DTNA: variants seen among roughly 807,000 people sequenced by gnomAD.
DTNA encodes the protein dystrobrevin alpha, also known as dystrophin-related protein 3.
DTNA carries 43 observed loss-of-function variants against 100.7 expected under a neutral mutation model. That is an observed-to-expected ratio of 0.43 (90% confidence interval 0.33 to 0.55). The LOEUF is 0.55. Among genes scored for constraint, DTNA ranks in the 20% least tolerant of loss-of-function variants. DTNA has a pLI of 0.04. For missense variants in DTNA, 798 were observed against 953.9 expected, an observed-to-expected ratio of 0.84 and a Z score of 2.15; for synonymous variants, 349 against 347.9, an observed-to-expected ratio of 1.00 and a Z score of -0.04.
chr18:34,520,325 G>T (rs1006956046), intron 1 of DTNA, among the ~76,000 whole-genome samples: 1 of 152,092 alleles, frequency 6.6e-6, no homozygotes, highest in Admixed American at 6.5e-5. Context: ...TGAGTCACTT[G>T]ACCCAAAGTG....
chr18:34,851,151 T>C (rs558758926), intron 14 of DTNA, among the ~76,000 whole-genome samples: 29 of 152,356 alleles, frequency 1.9e-4, no homozygotes, highest in African/African-American at 5.0e-4. Context: ...TCACCCAGGC[T>C]GGAATGCAGT....
At chr18:34,868,553 A>G in intron 17 of DTNA, 9 of 985,416 alleles carry the variant, frequency 9.1e-6, no homozygotes, top group Non-Finnish European at 9.6e-6. Flanking sequence ...TCTTTGTAAA[A>G]CCAAACTTAG....
At chr18:34,641,875 C>G (rs1017285500) in intron 1 of DTNA, among the ~76,000 whole-genome samples, 2 of 152,144 alleles carry the variant, frequency 1.3e-5, no homozygotes, top group African/African-American at 4.8e-5. Flanking sequence ...AATTAAGTTA[C>G]ATGCGTGCTG....
Position 34,597,259 on chromosome 18 carries a change from C to T in DTNA, c.-2+103745C>T, listed in dbSNP as rs1357561628. ...CTTGGCAATTTCTTTAACCTCTAAT[C>T]CATCCCACAAGCATCCTTCACTCTC... On this transcript the variant is annotated intron_variant, in intron 1 of 19. Coordinates refer to the DTNA transcript ENST00000283365. 2.0e-5 allele frequency among the ~76,000 whole-genome samples: 3 copies of T among 152,212 alleles called. No homozygotes were observed. In the East Asian group the frequency reaches 5.8e-4, roughly 29 times the overall value.
At chr18:34,801,552 A>C (rs9941402) in intron 4 of DTNA, among the ~76,000 whole-genome samples, 3,763 of 150,992 alleles carry the variant, frequency 0.025, 165 homozygotes, top group African/African-American at 0.086. Flanking sequence ...CGCTCTGTCA[A>C]CAGGCTGGAG....
rs1185555643 is a variant in DTNA, at chr18:34,891,842, G to T, written c.*4108G>T. ...GAATTACTGAATAAATGAATTAGTG[G>T]TGTTTGGTTTGTTTTTTTTTCTAGA... On this transcript the variant is annotated 3_prime_UTR_variant, in exon 23 of 23. Coordinates refer to ENST00000444659, the MANE Select transcript of DTNA (RefSeq NM_001386795.1). 6.6e-6 allele frequency: 1 copy of T among 151,690 alleles called. No homozygotes were observed. The highest frequency in any genetic ancestry group is 1.9e-4 in the East Asian group (1 of 5,184). 9.4% of individuals were successfully genotyped at this position (151,690 alleles called of 1,614,324 possible). A position where few individuals can be genotyped will look rare whatever the true frequency, so the allele number is the denominator to read the frequency against.
chr18:34,728,593 G>C (rs1410033657), intron 1 of DTNA, among the ~76,000 whole-genome samples: 1 of 152,084 alleles, frequency 6.6e-6, no homozygotes, highest in African/African-American at 2.4e-5. Context: ...GGAGGAATCA[G>C]CTTATGTAAA....
intron 1 of DTNA, among the ~76,000 whole-genome samples, chr18:34,587,153 T>C (rs1459574648): frequency 1.3e-5 from 2 of 151,950 alleles, no homozygotes; most frequent in South Asian, 2.1e-4. Context: ...GGCTAATTTT[T>C]TTTTTTTGTA....
At chr18:34,590,801 C>T (rs751326579) in intron 1 of DTNA, among the ~76,000 whole-genome samples, 22 of 152,092 alleles carry the variant, frequency 1.4e-4, no homozygotes, top group South Asian at 4.1e-4. Context: ...CATTTACTCA[C>T]GATAAAGACT....
At chr18:34,624,133 A>G (rs2056962368) in intron 1 of DTNA, among the ~76,000 whole-genome samples, 1 of 152,230 alleles carries the variant, frequency 6.6e-6, no homozygotes, top group Non-Finnish European at 1.5e-5. Context: ...TGTCATATTT[A>G]CATCAAAAAA....
chr18:34,782,036 A>G (rs545659498), intron 3 of DTNA, among the ~76,000 whole-genome samples: 6 of 152,348 alleles, frequency 3.9e-5, no homozygotes, highest in African/African-American at 1.4e-4. Context: ...GAAATAAGAA[A>G]GGTTCTGTGG....
intron 1 of DTNA, among the ~76,000 whole-genome samples, chr18:34,652,685 A>C (rs972404138): frequency 7.2e-5 from 11 of 152,208 alleles, no homozygotes; most frequent in African/African-American, 9.6e-5. Flanking sequence ...CAACTGACAT[A>C]ATCTCTTCTA....
chr18:34,759,099 A>G (rs1289612261), intron 2 of DTNA, among the ~76,000 whole-genome samples: 1 of 152,224 alleles, frequency 6.6e-6, no homozygotes, highest in East Asian at 1.9e-4. Context: ...CCCTTAACCA[A>G]AAATTCTCTT....
intron 15 of DTNA, 82 bp from the exon 16 acceptor site, chr18:34,858,203 T>G (rs2096575295): frequency 4.7e-6 from 6 of 1,264,808 alleles, no homozygotes; most frequent in Non-Finnish European, 6.8e-6. Context: ...CTCTCTTTGT[T>G]CTGGTGGCCT....
At chr18:34,871,605 G>T (rs1238386624) in intron 17 of DTNA, among the ~76,000 whole-genome samples, 3 of 152,146 alleles carry the variant, frequency 2.0e-5, no homozygotes, top group Non-Finnish European at 4.4e-5. Flanking sequence ...TGACCAGGCT[G>T]GAGGCCACCA....
At chr18:34,634,826 C>T (rs923000665) in intron 1 of DTNA, among the ~76,000 whole-genome samples, 3 of 152,106 alleles carry the variant, frequency 2.0e-5, no homozygotes, top group African/African-American at 7.2e-5. Context: ...AGTGAAAACA[C>T]TTAAAATCTA....
intron 21 of DTNA, among the ~76,000 whole-genome samples, chr18:34,884,244 G>C (rs1421681611): frequency 1.3e-5 from 2 of 151,980 alleles, no homozygotes; most frequent in South Asian, 2.1e-4. Context: ...AAATTCTAGG[G>C]GTTCTTTTTT....
intron 16 of DTNA, among the ~76,000 whole-genome samples, chr18:34,858,921 T>C (rs1448491773): frequency 1.3e-5 from 2 of 152,230 alleles, no homozygotes; most frequent in African/African-American, 4.8e-5. Flanking sequence ...AGCAGTGTTC[T>C]TTACATCAAA....
chr18:34,821,951 C>A (rs905993139), intron 9 of DTNA, among the ~76,000 whole-genome samples: 4 of 152,118 alleles, frequency 2.6e-5, no homozygotes, highest in African/African-American at 4.8e-5. Context: ...TACCACCAAA[C>A]GATTTGTGTT....
Sources: gnomAD v4.1 joint callset for allele counts (sites outside exome capture counted in the v4.1 genomes callset) on GRCh38, gnomAD v4.1.1 for gene constraint, MANE v1.5 for transcripts, NCBI Gene and HGNC (gene_info 2026-07-23, HGNC 2026-07-21) for gene names.